Variants in PCDH19 observed in about 807,000 individuals in gnomAD.
PCDH19 encodes protocadherin 19, also known as protocadherin-19.
A neutral mutation model predicts 46.2 loss-of-function variants in PCDH19; 6 were observed. The ratio of observed to expected loss-of-function variants is 0.13; its 90% CI spans 0.07 to 0.26. The LOEUF (loss-of-function observed/expected upper bound fraction) is 0.26, where lower values mean the gene tolerates loss of function less well. Among genes scored for constraint, PCDH19 ranks in the 10% least tolerant of loss-of-function variants. The probability of loss-of-function intolerance (pLI) is 1.00; values close to 1 mark genes in which losing one functional copy is unlikely to be tolerated. For synonymous variants in PCDH19, 481 were observed against 415.7 expected (o/e 1.16, Z -1.91); for missense variants, 740 against 972.3 (o/e 0.76, Z 3.18).
intron 5 of PCDH19, among the ~76,000 whole-genome samples, chrX:100,322,482 T>C (rs1470473562): frequency 1.8e-5 from 2 of 111,439 alleles, no homozygotes; most frequent in Non-Finnish European, 3.8e-5. Flanking sequence ...CCTTATAGTA[T>C]AGCTTGAAAT....
chrX:100,304,843 A>AT (rs1415862563), intron 5 of PCDH19, among the ~76,000 whole-genome samples: 1 of 112,364 alleles, frequency 8.9e-6, no homozygotes, highest in Non-Finnish European at 1.9e-5. Flanking sequence ...AAAGACAAGG[A>AT]TTTTTGAATT....
At chrX:100,316,087 T>C (rs1334527085) in intron 5 of PCDH19, among the ~76,000 whole-genome samples, 2 of 112,091 alleles carry the variant, frequency 1.8e-5, no homozygotes, top group African/African-American at 6.5e-5. Flanking sequence ...CTTATCACCC[T>C]GACCATCCAA....
At chrX:100,363,356 A>G (rs78025050) in intron 3 of PCDH19, among the ~76,000 whole-genome samples, 1 of 102,700 alleles carries the variant, frequency 9.7e-6, no homozygotes, top group Non-Finnish European at 2.0e-5. Flanking sequence ...CTTCTAGGGG[A>G]TTTTTTTTTT....
chrX:100,326,712 T>C (rs1367418740), intron 5 of PCDH19, among the ~76,000 whole-genome samples: 1 of 112,134 alleles, frequency 8.9e-6, no homozygotes, highest in Non-Finnish European at 1.9e-5. Flanking sequence ...TTCAAACCTT[T>C]GGCAGACATG....
intron 3 of PCDH19, among the ~76,000 whole-genome samples, chrX:100,358,231 G>A (rs745933711): frequency 6.3e-5 from 7 of 111,811 alleles, no homozygotes; most frequent in Non-Finnish European, 1.3e-4. Flanking sequence ...AGAAGACGAG[G>A]GTTCACCAGA....
Position 100,407,545 on chromosome X carries a change from G to A in PCDH19, c.1053C>T (p.Val351=), listed in dbSNP as rs751542671. Residue 351 remains valine, a synonymous_variant, in exon 1 of 6, where the codon GTC becomes GTT. Transcript: ENST00000373034. ...DNPPVINLLS[V]NSELVEVSES... is the part of the protein sequence containing the mutation. ...CGCTGACCTCCACAAGCTCACTGTT[G>A]ACTGACAGCAGGTTGATGACCGGCG... 5 of 1,210,223 alleles carry A rather than the reference G, an allele frequency of 4.1e-6. No homozygotes were observed. Among genetic ancestry groups the A allele is most frequent in the Non-Finnish European group, 5.6e-6 (5 of 895,280 alleles).
At chrX:100,347,934 C>T (rs1261301115) in intron 4 of PCDH19, among the ~76,000 whole-genome samples, 4 of 107,337 alleles carry the variant, frequency 3.7e-5, no homozygotes, top group Non-Finnish European at 7.7e-5. Flanking sequence ...GGCACGGTGG[C>T]GCATGCCTGT....
At chrX:100,376,068 C>T (rs1294794657) in intron 3 of PCDH19, among the ~76,000 whole-genome samples, 1 of 109,474 alleles carries the variant, frequency 9.1e-6, no homozygotes, top group East Asian at 2.9e-4. Flanking sequence ...GAAACCCCGT[C>T]TCTACTAAAT....
chrX:100,404,533 T>C (rs1047876539), intron 1 of PCDH19, among the ~76,000 whole-genome samples: 2 of 111,662 alleles, frequency 1.8e-5, no homozygotes, highest in Admixed American at 9.6e-5. Flanking sequence ...TGTACTTCAT[T>C]AATCCCAAAC....
At chrX:100,391,619 C>T (rs957540776) in intron 3 of PCDH19, among the ~76,000 whole-genome samples, 7 of 111,984 alleles carry the variant, frequency 6.3e-5, no homozygotes, top group African/African-American at 2.3e-4. Context: ...CAAACATTCA[C>T]ACATTTACAC....
At chrX:100,365,070 C>T (rs1445412523) in intron 3 of PCDH19, among the ~76,000 whole-genome samples, 3 of 112,074 alleles carry the variant, frequency 2.7e-5, no homozygotes, top group South Asian at 3.7e-4. Context: ...AACTGTGTAT[C>T]TCAATGTCCC....
At chrX:100,349,789 G>A (rs1478941069) in intron 4 of PCDH19, among the ~76,000 whole-genome samples, 1 of 112,479 alleles carries the variant, frequency 8.9e-6, no homozygotes, top group South Asian at 3.6e-4. Context: ...CATTTGAAAG[G>A]TTAGGACTGG....
Position 100,296,762 on chromosome X carries a change from T to C in PCDH19, c.2962A>G (p.Arg988Gly). The C allele has an allele frequency of 2.5e-6, 3 of 1,211,383 alleles. No homozygotes were observed. The highest frequency in any genetic ancestry group is 3.4e-6 in the Non-Finnish European group (3 of 895,248). Residue 988 changes from arginine to glycine, a missense_variant, in exon 6 of 6, where the codon AGG (arginine) becomes GGG (glycine). By Grantham distance (125) the Arg-to-Gly change is moderately radical. This residue lies in a region of PCDH19 where 416 missense variants were observed against 476.8 expected (regional missense o/e 0.87). Coordinates refer to ENST00000373034, the MANE Select transcript of PCDH19 (RefSeq NM_001184880.2). ...PIRSKSPEHV[R>G]NIIALSIEAT... ...TCAATAGACAGCGCGATGATGTTCC[T>C]CACATGCTCAGGGGACTTGGAACGG...
At position 100,344,467 on chromosome X, in the gene PCDH19, G is replaced by A. The variant is rs766807351; in HGVS notation, c.2676-2392C>T. On this transcript the variant is annotated intron_variant, in intron 4 of 5. Transcript: ENST00000373034. ...TTTTTTAGAAATTATTCTCTGTCAC[G>A]TGAGGTGAGTGCCTGCCTACAAGCA... 3.7e-4 allele frequency among the ~76,000 whole-genome samples: 40 copies of A among 109,315 alleles called. 1 individual carries two copies. Among genetic ancestry groups the A allele is most frequent in the East Asian group, 2.9e-4 (1 of 3,500 alleles). The allele number at this position is 109,315 out of a possible 115,157, so 94.9% of individuals were successfully genotyped here.
At chrX:100,347,924 G>C (rs1926455475) in intron 4 of PCDH19, among the ~76,000 whole-genome samples, 1 of 108,141 alleles carries the variant, frequency 9.2e-6, no homozygotes, top group South Asian at 4.2e-4. Context: ...AAATTAGCCA[G>C]GCACGGTGGC....
intron 5 of PCDH19, among the ~76,000 whole-genome samples, chrX:100,302,918 C>T (rs1924827057): frequency 9.0e-6 from 1 of 111,609 alleles, no homozygotes; most frequent in Non-Finnish European, 1.9e-5. Flanking sequence ...GTCAACGCCC[C>T]AGATACTGTC....
At chrX:100,303,450 T>C (rs1190345886) in intron 5 of PCDH19, among the ~76,000 whole-genome samples, 5 of 112,060 alleles carry the variant, frequency 4.5e-5, no homozygotes, top group Non-Finnish European at 9.4e-5. Flanking sequence ...ATATCTGTTA[T>C]GTATCTAGCA....
At chrX:100,376,367 C>G (rs1927386528) in intron 3 of PCDH19, among the ~76,000 whole-genome samples, 1 of 111,221 alleles carries the variant, frequency 9.0e-6, no homozygotes, top group South Asian at 3.7e-4. Context: ...GTCCTGTGAC[C>G]TCTTTCCACT....
intron 5 of PCDH19, among the ~76,000 whole-genome samples, chrX:100,309,487 T>G (rs187420057): frequency 6.3e-5 from 7 of 111,113 alleles, no homozygotes; most frequent in African/African-American, 1.6e-4. Flanking sequence ...ACTAAAGAAC[T>G]TATTCATGGA....
Sources: allele counts gnomAD v4.1 joint callset (sites outside exome capture counted in the v4.1 genomes callset), GRCh38; gene constraint gnomAD v4.1.1; regional missense constraint gnomAD v4.1.1; transcripts MANE v1.5; gene names NCBI Gene and HGNC (gene_info 2026-07-23, HGNC 2026-07-21).